Variants in TAFA2 observed in about 807,000 individuals in gnomAD.
TAFA2 encodes TAFA chemokine like family member 2.
A neutral mutation model predicts 18.8 loss-of-function variants in TAFA2; 7 were observed. The observed-to-expected ratio is 0.37, with a 90% CI of 0.21 to 0.70. The LOEUF is 0.70. Among genes scored for constraint, TAFA2 ranks in the 30% least tolerant of loss-of-function variants. TAFA2 has a pLI of 0.53. For missense variants in TAFA2, 122 were observed against 158.1 expected (o/e 0.77, Z 1.23); for synonymous variants, 60 against 54.2 (o/e 1.11, Z -0.47).
chr12:61,763,098 G>A (rs758959178), intron 2 of TAFA2, among the ~76,000 whole-genome samples: 1 of 152,006 alleles, frequency 6.6e-6, no homozygotes, highest in Non-Finnish European at 1.5e-5. Flanking sequence ...CTTTCATGCT[G>A]AAGCAATCTA....
chr12:62,175,384 C>T (rs2062505557), intron 1 of TAFA2, among the ~76,000 whole-genome samples: 1 of 152,124 alleles, frequency 6.6e-6, no homozygotes, highest in African/African-American at 2.4e-5. Context: ...TATCTACACA[C>T]TCCAAGGTCT....
At chr12:62,257,168 G>GTGTATATGTATATATACACAATGTGTT (rs779786449) in intron 1 of TAFA2, among the ~76,000 whole-genome samples, 1 of 141,424 alleles carries the variant, frequency 7.1e-6, no homozygotes, top group African/African-American at 2.7e-5. Flanking sequence ...ATATATGTGT[G>GTGTATATGTATATATACACAATGTGTT]TGTGTGTGTG....
chr12:61,772,401 C>T (rs1870070866), intron 2 of TAFA2, among the ~76,000 whole-genome samples: 1 of 151,764 alleles, frequency 6.6e-6, no homozygotes, highest in Admixed American at 6.6e-5. Flanking sequence ...ACCCTAAAGC[C>T]AAAACCAGGA....
At chr12:62,233,066 CTTTTTTTTTTTT>C (rs34781688) in intron 1 of TAFA2, among the ~76,000 whole-genome samples, 21 of 39,576 alleles carry the variant, frequency 5.3e-4, no homozygotes, top group Admixed American at 2.5e-3. Context: ...TTCTGCATCT[CTTTTTTTTTTTT>C]TTTTTTTTTT....
intron 1 of TAFA2, among the ~76,000 whole-genome samples, chr12:62,003,353 T>A (rs1297942761): frequency 6.6e-6 from 1 of 152,126 alleles, no homozygotes; most frequent in East Asian, 1.9e-4. Context: ...GCTAACTCAA[T>A]CCAGGAAGTT....
At chr12:62,047,670 C>T (rs1035871418) in intron 1 of TAFA2, among the ~76,000 whole-genome samples, 1 of 152,088 alleles carries the variant, frequency 6.6e-6, no homozygotes, top group Non-Finnish European at 1.5e-5. Flanking sequence ...ATTAATAAAT[C>T]ATTTTCTTTC....
intron 1 of TAFA2, among the ~76,000 whole-genome samples, chr12:62,184,787 AC>A (rs1160954980): frequency 1.3e-5 from 2 of 151,992 alleles, no homozygotes; most frequent in African/African-American, 2.4e-5. Flanking sequence ...GGCATGAGCC[AC>A]CGTGCCTGGC....
At chr12:61,902,380 A>G (rs1409854214) in intron 1 of TAFA2, among the ~76,000 whole-genome samples, 2 of 152,210 alleles carry the variant, frequency 1.3e-5, no homozygotes, top group Non-Finnish European at 2.9e-5. Context: ...ATTTAAAAAT[A>G]TCATAGAAAC....
chr12:61,761,367 T>C (rs1049582475), intron 2 of TAFA2, among the ~76,000 whole-genome samples: 1 of 152,070 alleles, frequency 6.6e-6, no homozygotes, highest in Non-Finnish European at 1.5e-5. Flanking sequence ...TGGTCACATC[T>C]GATTGATCAC....
At chr12:62,169,162 T>A (rs2062460243) in intron 1 of TAFA2, among the ~76,000 whole-genome samples, 1 of 152,186 alleles carries the variant, frequency 6.6e-6, no homozygotes, top group Non-Finnish European at 1.5e-5. Context: ...AAATGATAGA[T>A]ATCTTGAACC....
chr12:62,088,392 C>A (rs1015008608), intron 1 of TAFA2, among the ~76,000 whole-genome samples: 4 of 151,714 alleles, frequency 2.6e-5, no homozygotes, highest in Admixed American at 2.0e-4. Context: ...AGAAAAGGAG[C>A]AATTCCCAGG....
intron 1 of TAFA2, among the ~76,000 whole-genome samples, chr12:61,959,861 C>G (rs1007238269): frequency 6.6e-6 from 1 of 151,918 alleles, no homozygotes; most frequent in African/African-American, 2.4e-5. Flanking sequence ...TACTGCATCA[C>G]TATTTTTTTT....
intron 1 of TAFA2, chr12:61,879,238 A>G (rs1875000658): frequency 2.6e-6 from 1 of 377,366 alleles, no homozygotes. Flanking sequence ...AAGTCTGATA[A>G]TGAAGAAGCA....
chr12:62,068,603 G>A (rs183111193), intron 1 of TAFA2, among the ~76,000 whole-genome samples: 24 of 152,162 alleles, frequency 1.6e-4, no homozygotes, highest in Non-Finnish European at 2.6e-4. Context: ...CAAATCATCA[G>A]AGGGGCTCAC....
chr12:61,759,459 G>A (rs151270646), intron 2 of TAFA2, among the ~76,000 whole-genome samples: 4 of 152,116 alleles, frequency 2.6e-5, no homozygotes, highest in African/African-American at 9.6e-5. Context: ...CCAGAGCAAC[G>A]AATTATGTTG....
intron 4 of TAFA2, among the ~76,000 whole-genome samples, chr12:61,730,028 T>C (rs1019185628): frequency 5.3e-5 from 8 of 152,122 alleles, no homozygotes; most frequent in African/African-American, 1.9e-4. Flanking sequence ...GCTACTGCGC[T>C]CTGGACCAGT....
chr12:62,199,767 A>G (rs1019509315), intron 1 of TAFA2, among the ~76,000 whole-genome samples: 1 of 152,136 alleles, frequency 6.6e-6, no homozygotes, highest in Non-Finnish European at 1.5e-5. Context: ...TTGGGTATAT[A>G]CCCAGTAATG....
chr12:62,220,361 A>C (rs2062755563), intron 1 of TAFA2, among the ~76,000 whole-genome samples: 1 of 152,222 alleles, frequency 6.6e-6, no homozygotes, highest in Admixed American at 6.5e-5. Flanking sequence ...ACCACTACAC[A>C]CCTGTAAGAA....
intron 2 of TAFA2, among the ~76,000 whole-genome samples, chr12:61,772,120 A>G (rs1352653712): frequency 1.3e-5 from 2 of 152,048 alleles, no homozygotes; most frequent in African/African-American, 2.4e-5. Flanking sequence ...CACATACTAG[A>G]AAATCTAGAG....
Sources: gnomAD v4.1 joint callset for allele counts (sites outside exome capture counted in the v4.1 genomes callset) on GRCh38, gnomAD v4.1.1 for gene constraint, MANE v1.5 for transcripts, NCBI Gene and HGNC (gene_info 2026-07-23, HGNC 2026-07-21) for gene names.